CFAP69: variants seen among roughly 807,000 people sequenced by gnomAD.
CFAP69 encodes the protein cilia and flagella associated protein 69, also known as cilia- and flagella-associated protein 69.
A neutral mutation model predicts 123.0 loss-of-function variants in CFAP69; 92 were observed. The ratio of observed to expected loss-of-function variants is 0.75; its 90% CI spans 0.63 to 0.89. The LOEUF is 0.89. Ranked by LOEUF, CFAP69 falls within the 40% of genes least tolerant of loss-of-function variation. The probability of loss-of-function intolerance (pLI) is 0.00; values close to 1 mark genes in which losing one functional copy is unlikely to be tolerated. For missense variants in CFAP69, 1,067 were observed against 1,096.9 expected, an observed-to-expected ratio of 0.97 and a Z score of 0.39; for synonymous variants, 380 against 364.3, an observed-to-expected ratio of 1.04 and a Z score of -0.49.
At chr7:90,305,823 C>T (rs1276981101) in intron 19 of CFAP69, among the ~76,000 whole-genome samples, 1 of 151,770 alleles carries the variant, frequency 6.6e-6, no homozygotes, top group Non-Finnish European at 1.5e-5. Context: ...TTATATTTGT[C>T]AGTAAATACT....
intron 13 of CFAP69, 58 bp from the exon 14 acceptor site, chr7:90,286,223 T>A (rs2117130262): frequency 7.1e-7 from 1 of 1,401,978 alleles, no homozygotes; most frequent in Middle Eastern, 2.2e-4. Context: ...AAACAGTAAT[T>A]GATCAAAATA....
At chr7:90,311,772 C>A (rs528787674), downstream of CFAP69, among the ~76,000 whole-genome samples, 31 of 152,232 alleles carry the variant, frequency 2.0e-4, no homozygotes, top group Admixed American at 1.7e-3. Flanking sequence ...GGCTTCTCAC[C>A]CTGGCCCAGA....
In CFAP69 at chr7:90,258,150, A is replaced by C. The variant is rs182135432; in HGVS notation, c.233A>C (p.Tyr78Ser). 27 of 1,607,512 alleles carry C rather than the reference A, an allele frequency of 1.7e-5. No individual in the cohort carries two copies. The East Asian group carries it at 3.4e-4, about 20-fold the overall frequency. The change falls in exon 3 of 23, where the codon TAT becomes TCT. Residue 78 changes from tyrosine (Y) to serine (S), a missense_variant. By Grantham distance (144) the Tyr-to-Ser change is moderately radical (BLOSUM62 -2). Transcript: ENST00000389297. ...LKFVKKLVQCYQNGLPLRDLA... is the reference protein window; with the variant it reads ...LKFVKKLVQCSQNGLPLRDLA... ...TTTGTCAAGAAACTGGTACAGTGTT[A>C]TCAGAATGGACTTGTATCCTTTACA...
chr7:90,283,641 G>A (rs1789818315), intron 13 of CFAP69, among the ~76,000 whole-genome samples: 1 of 152,120 alleles, frequency 6.6e-6, no homozygotes, highest in Non-Finnish European at 1.5e-5. Flanking sequence ...CATAAACTCA[G>A]TGTAAAATTC....
chr7:90,272,816 A>G (rs1316022927), intron 8 of CFAP69, among the ~76,000 whole-genome samples: 5 of 152,016 alleles, frequency 3.3e-5, no homozygotes, highest in Non-Finnish European at 5.9e-5. Flanking sequence ...AAACCTTGCT[A>G]TCCTGAAGGC....
Position 90,277,120 on chromosome 7 carries a change from A to T in CFAP69, c.1032A>T (p.Glu344Asp), listed in dbSNP as rs1788731902. The change falls in exon 10 of 23, where the codon GAA becomes GAT. Residue 344 changes from glutamate (E) to aspartate (D), a missense_variant and splice_region_variant. By Grantham distance (45) the Glu-to-Asp change is conservative. Coordinates refer to ENST00000389297, the MANE Select transcript of CFAP69 (RefSeq NM_001039706.3). Reference protein sequence around the residue: ...KDLILFATFNEVKSQNLLVKG... With the variant: ...KDLILFATFNDVKSQNLLVKG... Reference sequence around the variant, plus strand: ...TGATACTGTTTGCCACCTTTAATGAAGGTAAAAAGAATAAAACTTTAAACT... The same window carrying T: ...TGATACTGTTTGCCACCTTTAATGATGGTAAAAAGAATAAAACTTTAAACT... 2 of 1,578,984 alleles carry T rather than the reference A, an allele frequency of 1.3e-6. No homozygotes were observed. The highest frequency in any genetic ancestry group is 8.6e-7 in the Non-Finnish European group (1 of 1,161,868).
chr7:90,252,783 T>A (rs571576533), intron 1 of CFAP69, among the ~76,000 whole-genome samples: 16 of 152,342 alleles, frequency 1.1e-4, no homozygotes, highest in African/African-American at 3.4e-4. Flanking sequence ...TGCCATGACA[T>A]CTCAGTTAGG....
chr7:90,255,519 T>G (rs1797545211), intron 2 of CFAP69, 37 bp downstream of exon 2: 1 of 1,462,678 alleles, frequency 6.8e-7, no homozygotes, highest in Non-Finnish European at 9.6e-7. Flanking sequence ...TCCGCTGCAT[T>G]ACTTACAAAC....
At chr7:90,308,604 A>G (rs1793944702) in intron 21 of CFAP69, among the ~76,000 whole-genome samples, 1 of 152,162 alleles carries the variant, frequency 6.6e-6, no homozygotes, top group South Asian at 2.1e-4. Flanking sequence ...TAAGATAGCA[A>G]AACCAAATTT....
At position 90,251,270 on chromosome 7, in the gene CFAP69, G is replaced by A. The variant is rs111835937; in HGVS notation, c.121-4153G>A. 9.3e-3 allele frequency among the ~76,000 whole-genome samples: 1,410 copies of A among 152,250 alleles called. 24 individuals are homozygous for A. Among genetic ancestry groups the A allele is most frequent in the African/African-American group, 0.03 (1,266 of 41,536 alleles). On this transcript the variant is annotated intron_variant, in intron 1 of 22. Transcript: ENST00000389297. ...TTATAGTGGTAAAAAGAAAGGTGTG[G>A]GGGAGGCTTCAGGTCTACTCTAATT... is the stretch of plus-strand genomic sequence containing the variant.
rs914700947 is a variant in CFAP69, at chr7:90,245,231, G to C, written c.-194G>C. ...CGGGATCAGAGGTCTGGGTCAACTG[G>C]GGGGCGGCAGCGGCGCTAAGCGGAC... On this transcript the variant is annotated 5_prime_UTR_variant, in exon 1 of 23. Coordinates refer to ENST00000389297, the MANE Select transcript of CFAP69 (RefSeq NM_001039706.3). 20 of 614,158 alleles carry C rather than the reference G, an allele frequency of 3.3e-5. No homozygotes were observed. Among genetic ancestry groups the C allele is most frequent in the East Asian group, 1.4e-4 (4 of 28,302 alleles). 38.0% of individuals were successfully genotyped at this position (614,158 alleles called of 1,614,324 possible).
At chr7:90,316,410 G>T in the CFAP69 span, 1 of 152,260 alleles carries the variant, frequency 6.6e-6, no homozygotes, top group Middle Eastern at 3.4e-3. Flanking sequence ...AATACATATT[G>T]TCCCAATTCA....
intron 3 of CFAP69, among the ~76,000 whole-genome samples, chr7:90,260,271 A>G (rs13247629): frequency 0.51 from 77,055 of 151,826 alleles, 21,147 homozygotes; most frequent in Non-Finnish European, 0.63. Flanking sequence ...CATGCCTGTA[A>G]TCTCAGCACC....
the CFAP69 span, among the ~76,000 whole-genome samples, chr7:90,323,165 C>G: frequency 3.9e-5 from 6 of 152,160 alleles, no homozygotes; most frequent in African/African-American, 1.4e-4. Flanking sequence ...AAATTTTACT[C>G]TTGGTGTCTA....
At chr7:90,308,004 T>G (rs892838008) in intron 21 of CFAP69, 150 bp downstream of exon 21, 2 of 501,470 alleles carry the variant, frequency 4.0e-6, no homozygotes, top group African/African-American at 2.0e-5. Context: ...TTTAGAGTGA[T>G]AAGTGAAACT....
intron 12 of CFAP69, among the ~76,000 whole-genome samples, chr7:90,281,249 ATAATAG>A (rs1789441249): frequency 1.3e-5 from 2 of 152,216 alleles, no homozygotes; most frequent in Admixed American, 1.3e-4. Flanking sequence ...CCCAGGTTCT[ATAATAG>A]AACCCACAAT....
chr7:90,278,915 GT>G (rs1419464029), intron 11 of CFAP69, among the ~76,000 whole-genome samples: 2 of 151,952 alleles, frequency 1.3e-5, no homozygotes. Context: ...AAAATTAATT[GT>G]TTTTGTTAAA....
At chr7:90,297,715 G>A (rs770788560) in intron 15 of CFAP69, 34 bp from the exon 16 acceptor site, 1 of 1,316,646 alleles carries the variant, frequency 7.6e-7, no homozygotes, top group East Asian at 2.5e-5. Flanking sequence ...AACAATAAAT[G>A]TTTGTCAAAT....
intron 11 of CFAP69, among the ~76,000 whole-genome samples, chr7:90,279,235 T>C (rs1405587947): frequency 6.6e-6 from 1 of 152,164 alleles, no homozygotes; most frequent in Non-Finnish European, 1.5e-5. Context: ...TTTTTTATGG[T>C]ACACAACTGA....
Sources: allele counts gnomAD v4.1 joint callset (sites outside exome capture counted in the v4.1 genomes callset), GRCh38; gene constraint gnomAD v4.1.1; transcripts MANE v1.5; gene names NCBI Gene and HGNC (gene_info 2026-07-23, HGNC 2026-07-21).